The following C3orf49 variants were observed in gnomAD, a reference collection of about 807,000 sequenced individuals.
The protein encoded by C3orf49 is chromosome 3 open reading frame 49.
In C3orf49, 27 loss-of-function variants were observed where a neutral mutation model predicts 13.3. The ratio of observed to expected loss-of-function variants is 2.02; its 90% CI spans 1.49 to 2.79. The LOEUF (loss-of-function observed/expected upper bound fraction) is 2.79, where lower values mean the gene tolerates loss of function less well. Among genes scored for constraint, C3orf49 ranks in the 30% most tolerant of loss-of-function variants. The pLI is 0.00. For synonymous variants in C3orf49, 87 were observed against 47.6 expected (o/e 1.83, Z -3.40); for missense variants, 242 against 134.2 (o/e 1.80, Z -3.97).
the C3orf49 span, among the ~76,000 whole-genome samples, chr3:63,800,563 G>A: frequency 6.6e-6 from 1 of 152,074 alleles, no homozygotes; most frequent in Non-Finnish European, 1.5e-5. Context: ...CAGGAACAAT[G>A]TTGAACATGT....
chr3:63,783,278 C>A, the C3orf49 span, among the ~76,000 whole-genome samples: 1 of 152,072 alleles, frequency 6.6e-6, no homozygotes, highest in Admixed American at 6.5e-5. Context: ...AAAAACTAAA[C>A]CAGTTTTCAA....
At chr3:63,810,863 T>C in the C3orf49 span, among the ~76,000 whole-genome samples, 22 of 152,220 alleles carry the variant, frequency 1.4e-4, no homozygotes, top group Non-Finnish European at 2.9e-4. Context: ...TTTGTTTTGT[T>C]TGAGACAGAG....
the C3orf49 span, among the ~76,000 whole-genome samples, chr3:63,799,909 A>T: frequency 6.6e-6 from 1 of 152,168 alleles, no homozygotes; most frequent in South Asian, 2.1e-4. Flanking sequence ...TAATTCTGCC[A>T]GAAAGCTGGA....
chr3:63,809,694 C>A, the C3orf49 span, among the ~76,000 whole-genome samples: 1 of 152,194 alleles, frequency 6.6e-6, no homozygotes, highest in Non-Finnish European at 1.5e-5. Flanking sequence ...CCTGTCTGTT[C>A]TTTGCACACA....
intron 5 of C3orf49, among the ~76,000 whole-genome samples, chr3:63,842,051 T>C (rs770523225): frequency 2.6e-5 from 4 of 151,994 alleles, no homozygotes; most frequent in Non-Finnish European, 4.4e-5. Flanking sequence ...AGTGCCCTGA[T>C]TGAGAGGAAA....
intron 3 of C3orf49, among the ~76,000 whole-genome samples, chr3:63,828,278 A>C (rs1250455240): frequency 6.6e-6 from 1 of 152,120 alleles, no homozygotes; most frequent in Non-Finnish European, 1.5e-5. Context: ...TTACTTATCC[A>C]TAGGTATGCA....
chr3:63,844,920 A>G (rs1701854051), intron 5 of C3orf49, 103 bp from the exon 6 acceptor site: 6 of 569,086 alleles, frequency 1.1e-5, no homozygotes, highest in Admixed American at 2.7e-5. Flanking sequence ...GGCTGTTGCT[A>G]TAATACCTGA....
chr3:63,822,449 C>G (rs1701411144), intron 1 of C3orf49, among the ~76,000 whole-genome samples: 1 of 152,194 alleles, frequency 6.6e-6, no homozygotes, highest in Non-Finnish European at 1.5e-5. Flanking sequence ...AGGTGATACT[C>G]TAGCACAGTG....
intron 6 of C3orf49, among the ~76,000 whole-genome samples, chr3:63,846,503 G>A (rs1701900421): frequency 1.3e-5 from 2 of 152,092 alleles, no homozygotes; most frequent in South Asian, 4.1e-4. Flanking sequence ...CGTCTCCTGG[G>A]TTCAAGCTAT....
the C3orf49 span, among the ~76,000 whole-genome samples, chr3:63,806,898 T>G: frequency 6.6e-6 from 1 of 152,198 alleles, no homozygotes; most frequent in African/African-American, 2.4e-5. Context: ...CGGGGAACCA[T>G]AAACTCTAAC....
At chr3:63,807,112 C>G in the C3orf49 span, among the ~76,000 whole-genome samples, 1 of 152,016 alleles carries the variant, frequency 6.6e-6, no homozygotes. Context: ...CCACCACGCC[C>G]GGCTAATTTT....
At chr3:63,820,167 C>T (rs1005962183) in intron 1 of C3orf49, among the ~76,000 whole-genome samples, 12 of 152,134 alleles carry the variant, frequency 7.9e-5, no homozygotes, top group Non-Finnish European at 1.3e-4. Flanking sequence ...GATTTATTTT[C>T]CAATTTCTTT....
chr3:63,801,094 G>A, the C3orf49 span, among the ~76,000 whole-genome samples: 1 of 151,888 alleles, frequency 6.6e-6, no homozygotes, highest in African/African-American at 2.4e-5. Context: ...CTGGGGAAGG[G>A]AAAAAAGGGA....
intron 5 of C3orf49, 64 bp from the exon 6 acceptor site, chr3:63,844,959 G>A: frequency 3.1e-6 from 2 of 641,274 alleles, no homozygotes; most frequent in Non-Finnish European, 5.7e-6. Context: ...TGTTGCCCAA[G>A]TCTAGAATCA....
Position 63,824,430 on chromosome 3 carries a change from A to C in C3orf49, c.445+861A>C, listed in dbSNP as rs1398706280. Among the ~76,000 whole-genome samples, 9 of 152,312 alleles carry C rather than the reference A, an allele frequency of 5.9e-5. No individual in the cohort carries two copies. The East Asian group carries it at 1.7e-3, about 29-fold the overall frequency. On this transcript the variant is annotated intron_variant, in intron 2 of 6. Transcript: ENST00000295896. The stretch of plus-strand genomic sequence containing the variant: ...TACTGTGTGAAAGAATTAATATTTG[A>C]ACTGTTAACTTTAAGTCGTTTTTGC...
the C3orf49 span, among the ~76,000 whole-genome samples, chr3:63,784,138 T>C: frequency 8.4e-4 from 128 of 152,292 alleles, 1 homozygote; most frequent in South Asian, 2.9e-3. Context: ...CAAATACTTA[T>C]TTATTCAAAT....
chr3:63,817,115 T>C (rs1701333163), upstream of C3orf49, among the ~76,000 whole-genome samples: 1 of 152,010 alleles, frequency 6.6e-6, no homozygotes, highest in Non-Finnish European at 1.5e-5. Flanking sequence ...TTCTTCCACC[T>C]CCGGGCTTTG....
In C3orf49 at chr3:63,819,409, G is replaced by A; in HGVS notation, c.-63G>A. 1.5e-6 allele frequency: 1 copy of A among 686,634 alleles called. No homozygotes were observed. Among genetic ancestry groups the A allele is most frequent in the Middle Eastern group, 2.4e-4 (1 of 4,254 alleles). The allele number at this position is 686,634 out of a possible 1,614,324, so 42.5% of individuals were successfully genotyped here. A position where few individuals can be genotyped will look rare whatever the true frequency, so the allele number is the denominator to read the frequency against. On this transcript the variant is annotated 5_prime_UTR_variant, in exon 1 of 7. An upstream open reading frame in the 5' UTR loses its in-frame stop. Transcript: ENST00000295896. ...TTCAGTCACTGGATGATTTTGTATTGAAGTCTGTAAGTTCAAGAACTAAAA... is the reference window on the plus strand; with the variant it reads ...TTCAGTCACTGGATGATTTTGTATTAAAGTCTGTAAGTTCAAGAACTAAAA...
the C3orf49 span, among the ~76,000 whole-genome samples, chr3:63,798,839 G>A: frequency 6.6e-6 from 1 of 152,114 alleles, no homozygotes; most frequent in Non-Finnish European, 1.5e-5. Context: ...TATGGCCCAG[G>A]AACAAATTCT....
Sources: allele counts gnomAD v4.1 joint callset (sites outside exome capture counted in the v4.1 genomes callset), GRCh38; gene constraint gnomAD v4.1.1; transcripts MANE v1.5; gene names NCBI Gene and HGNC (gene_info 2026-07-23, HGNC 2026-07-21).